The following MYO9B variants were observed in gnomAD, a reference collection of about 807,000 sequenced individuals.
MYO9B encodes myosin IXB.
A neutral mutation model predicts 229.5 loss-of-function variants in MYO9B; 71 were observed. That is an observed-to-expected ratio of 0.31 (90% CI 0.26 to 0.38). The LOEUF is 0.38. Among genes scored for constraint, MYO9B ranks in the 10% least tolerant of loss-of-function variants. MYO9B has a pLI of 1.00. For synonymous variants in MYO9B, 1,185 were observed against 1,235.8 expected, an observed-to-expected ratio of 0.96 and a Z score of 0.86; for missense variants, 2,255 against 2,920.5, an observed-to-expected ratio of 0.77 and a Z score of 5.25.
intron 18 of MYO9B, among the ~76,000 whole-genome samples, chr19:17,186,948 G>A (rs1488600853): frequency 2.6e-5 from 4 of 152,000 alleles, no homozygotes; most frequent in African/African-American, 9.7e-5. Context: ...GGCTGGTCTT[G>A]AACTCCTGAC....
intron 4 of MYO9B, among the ~76,000 whole-genome samples, chr19:17,153,688 C>T (rs1240257558): frequency 6.9e-6 from 1 of 144,604 alleles, no homozygotes; most frequent in African/African-American, 2.6e-5. Context: ...AGAGCAAGAC[C>T]GTATCTCAAA....
chr19:17,077,471 G>T (rs1406009308), intron 1 of MYO9B, among the ~76,000 whole-genome samples: 1 of 152,166 alleles, frequency 6.6e-6, no homozygotes. Flanking sequence ...TGAACTGTAG[G>T]CTTGCACTGG....
chr19:17,172,420 C>T lies in MYO9B; in HGVS notation c.1878C>T (p.Val626=), dbSNP rs774673029. 1 of 1,613,940 alleles carries T rather than the reference C, an allele frequency of 6.2e-7. No homozygotes were observed. Among genetic ancestry groups the T allele is most frequent in the Admixed American group, 1.7e-5 (1 of 60,004 alleles). Residue 626 remains valine, a synonymous_variant, in exon 12 of 40, where the codon GTC becomes GTT. Coordinates refer to ENST00000682292, the MANE Select transcript of MYO9B (RefSeq NM_004145.4). This position sits in a 1 kb window ranked among gnomAD's most constrained non-coding sequence, Gnocchi z 8.2. ...EDNKYFLGTP[V]MEPAFIIQHF... Reference sequence around the variant, plus strand: ...ATAAGTACTTCCTGGGCACCCCGGTCATGGAGCCAGCTTTCATCATCCAGC... The same window carrying T: ...ATAAGTACTTCCTGGGCACCCCGGTTATGGAGCCAGCTTTCATCATCCAGC...
chr19:17,185,243 G>A (rs1276589363), intron 17 of MYO9B, among the ~76,000 whole-genome samples: 1 of 151,866 alleles, frequency 6.6e-6, no homozygotes, highest in Admixed American at 6.6e-5. Context: ...GCGTAGTGGC[G>A]GGTGCCTGTA....
chr19:17,209,186 A>G lies in MYO9B; in HGVS notation c.5625-400A>G, dbSNP rs575331233. On this transcript the variant is annotated intron_variant, in intron 35 of 39. Coordinates refer to ENST00000682292, the MANE Select transcript of MYO9B (RefSeq NM_004145.4). ...CGAGCTGAGACCCTCTGATACTGAC[A>G]ACACCAGGCTGGCCTTGACCACCAA... 2.0e-3 allele frequency among the ~76,000 whole-genome samples: 309 copies of G among 152,288 alleles called. 1 individual carries two copies. Among genetic ancestry groups the G allele is most frequent in the African/African-American group, 7.2e-3 (301 of 41,556 alleles).
rs2057740163 is a variant in MYO9B, at chr19:17,101,048, G to A, written c.-58-612G>A. ...GGCTGGGAAGGGCATAGCAGAAAGAGGGTCATGGCTTGTTGGGCTTCAGGA... is the reference window on the plus strand; with the variant it reads ...GGCTGGGAAGGGCATAGCAGAAAGAAGGTCATGGCTTGTTGGGCTTCAGGA... On this transcript the variant is annotated intron_variant, in intron 1 of 39. Coordinates refer to ENST00000682292, the MANE Select transcript of MYO9B (RefSeq NM_004145.4). The surrounding 1 kb of genome is among the most constrained non-coding windows in gnomAD (Gnocchi z 4.7). Among the ~76,000 whole-genome samples the A allele has an allele frequency of 6.6e-6, 1 of 151,174 alleles. No homozygotes were observed. The highest frequency in any genetic ancestry group is 1.5e-5 in the Non-Finnish European group (1 of 67,872).
intron 1 of MYO9B, among the ~76,000 whole-genome samples, chr19:17,080,440 T>C (rs1176246816): frequency 3.9e-5 from 6 of 152,170 alleles, no homozygotes; most frequent in South Asian, 2.1e-4. Context: ...TACATAGCCG[T>C]CTTCCCCTGG....
chr19:17,136,925 G>A (rs575402089), intron 2 of MYO9B, among the ~76,000 whole-genome samples: 39 of 152,120 alleles, frequency 2.6e-4, no homozygotes, highest in Non-Finnish European at 3.5e-4. Context: ...GATTCGTGTC[G>A]ACAAAAATAA....
In MYO9B at chr19:17,102,287, G is replaced by A. The variant is rs1190464277; in HGVS notation, c.570G>A (p.Lys190=). ...GSILVAINPF[K]FLPIYNPKYV... ...TCCTGGTGGCCATCAACCCCTTTAA[G>A]TTCCTGCCCATCTACAACCCCAAGT... is the stretch of plus-strand genomic sequence containing the variant. The change falls in exon 2 of 40, where the codon AAG becomes AAA. Residue 190 remains lysine (K), a synonymous_variant. Coordinates refer to ENST00000682292, the MANE Select transcript of MYO9B (RefSeq NM_004145.4). 4.3e-6 allele frequency: 7 copies of A among 1,614,052 alleles called. No homozygotes were observed. Among genetic ancestry groups the A allele is most frequent in the Non-Finnish European group, 5.9e-6 (7 of 1,179,900 alleles).
intron 1 of MYO9B, among the ~76,000 whole-genome samples, chr19:17,093,263 C>T (rs2057655602): frequency 6.6e-6 from 1 of 151,346 alleles, no homozygotes; most frequent in East Asian, 1.9e-4. Context: ...AACCTGGAGG[C>T]AGAGGTGCAG....
intron 4 of MYO9B, 154 bp downstream of exon 4, chr19:17,152,860 T>A: frequency 1.6e-6 from 1 of 644,048 alleles, no homozygotes; most frequent in Non-Finnish European, 2.7e-6. Flanking sequence ...CCATCCATCT[T>A]CTCCCCAGAC....
chr19:17,139,982 G>T (rs2072317666), intron 2 of MYO9B, among the ~76,000 whole-genome samples: 1 of 151,122 alleles, frequency 6.6e-6, no homozygotes, highest in Non-Finnish European at 1.5e-5. Flanking sequence ...AGGAGGTTGT[G>T]GTGAGCTGAG....
At chr19:17,189,015 G>C (rs902533710) in intron 19 of MYO9B, among the ~76,000 whole-genome samples, 2 of 147,842 alleles carry the variant, frequency 1.4e-5, no homozygotes, top group Non-Finnish European at 3.0e-5. Flanking sequence ...AAAAAAATTA[G>C]CCAGGCATGG....
intron 15 of MYO9B, 65 bp from the exon 16 acceptor site, chr19:17,183,764 G>C: frequency 1.4e-6 from 2 of 1,434,968 alleles, no homozygotes; most frequent in Non-Finnish European, 1.9e-6. Context: ...GTGGCTTGCT[G>C]AACTAACCCA....
intron 2 of MYO9B, among the ~76,000 whole-genome samples, chr19:17,107,522 G>A (rs1408216480): frequency 1.3e-5 from 2 of 152,148 alleles, no homozygotes; most frequent in African/African-American, 4.8e-5. Flanking sequence ...TAAGTGTTAG[G>A]GGCAAGGGAG....
At chr19:17,173,098 A>G in intron 13 of MYO9B, 135 bp downstream of exon 13, 1 of 1,102,996 alleles carries the variant, frequency 9.1e-7, no homozygotes, top group Non-Finnish European at 1.3e-6. Context: ...GTCTACCTGA[A>G]GTGTTCCTGT....
In MYO9B at chr19:17,180,888, TTC is replaced by T. The variant is rs756814902; in HGVS notation, c.2220-37_2220-36del. 58 of 1,428,164 alleles carry T rather than the reference TTC, an allele frequency of 4.1e-5. 1 individual carries two copies. The East Asian group carries it at 1.4e-3, about 34-fold the overall frequency. The allele number at this position is 1,428,164 out of a possible 1,614,324, so 88.5% of individuals were successfully genotyped here. A position where few individuals can be genotyped will look rare whatever the true frequency, so the allele number is the denominator to read the frequency against. ...TGGCAGGCCTGCTTCTAACTCCATC[TTC>T]TTTCTGTCACTGCGCCCCCTCCACC... is the stretch of plus-strand genomic sequence containing the variant. On this transcript the variant is annotated intron_variant, in intron 14 of 39. Transcript: ENST00000682292.
intron 9 of MYO9B, 125 bp from the exon 10 acceptor site, chr19:17,162,863 G>A: frequency 9.2e-7 from 1 of 1,082,170 alleles, no homozygotes; most frequent in Non-Finnish European, 1.3e-6. Flanking sequence ...ATGGCAAAGT[G>A]TTCTGCCGAG....
At chr19:17,113,330 C>T (rs1037047471) in intron 2 of MYO9B, among the ~76,000 whole-genome samples, 8 of 152,088 alleles carry the variant, frequency 5.3e-5, no homozygotes, top group East Asian at 1.9e-4. Flanking sequence ...TGTCCAGGGC[C>T]GGGTTGGGGA....
Sources: allele counts gnomAD v4.1 joint callset (sites outside exome capture counted in the v4.1 genomes callset), GRCh38; gene constraint gnomAD v4.1.1; non-coding constraint Gnocchi (gnomAD v3.1); transcripts MANE v1.5; gene names NCBI Gene and HGNC (gene_info 2026-07-23, HGNC 2026-07-21).